Variants in STX4 observed in about 807,000 individuals in gnomAD.
STX4 encodes syntaxin 4, also known as syntaxin-4.
Under a neutral mutation model 41.8 loss-of-function variants are expected in STX4, and 24 were observed. That is an observed-to-expected ratio of 0.57 (90% CI 0.42 to 0.81). STX4 has a LOEUF of 0.81. STX4 is among the 30% of genes least tolerant of loss of function. The pLI is 0.00. For synonymous variants in STX4, 158 were observed against 156.4 expected (o/e 1.01, Z -0.08); for missense variants, 316 against 389.9 (o/e 0.81, Z 1.60).
intron 8 of STX4, 133 bp downstream of exon 8, chr16:31,038,780 T>C: frequency 8.3e-7 from 1 of 1,204,726 alleles, no homozygotes; most frequent in Non-Finnish European, 1.2e-6. Context: ...TGGTGCTTAT[T>C]CCTATCCTTA....
rs1223763809 is a variant in STX4, at chr16:31,039,445, C to T, written c.703-96C>T. 2 of 1,303,202 alleles carry T rather than the reference C, an allele frequency of 1.5e-6. No homozygotes were observed. Among genetic ancestry groups the T allele is most frequent in the East Asian group, 2.3e-5 (1 of 42,872 alleles). The allele number at this position is 1,303,202 out of a possible 1,614,324, so 80.7% of individuals were successfully genotyped here. On this transcript the variant is annotated intron_variant, in intron 8 of 10. Coordinates refer to ENST00000313843, the MANE Select transcript of STX4 (RefSeq NM_004604.5). The surrounding 1 kb of genome is among the most constrained non-coding windows in gnomAD (Gnocchi z 4.1). ...AGTCTTGCCCTTGTCTTTGTTAGTG[C>T]AATTTTTTTTTCCTGCCAGGAATGT...
At position 31,039,007 on chromosome 16, in the gene STX4, G is replaced by T. The variant is rs369457305; in HGVS notation, c.702+360G>T. 7.5e-6 allele frequency: 2 copies of T among 267,032 alleles called. No individual in the cohort carries two copies. The highest frequency in any genetic ancestry group is 1.7e-4 in the East Asian group (2 of 11,578). 16.5% of individuals were successfully genotyped at this position (267,032 alleles called of 1,614,324 possible). A position where few individuals can be genotyped will look rare whatever the true frequency, so the allele number is the denominator to read the frequency against. ...CCTAACATCTGTACAAGGCTGGGGT[G>T]GGGGCGGCGTTCCCCTGGCCCTGGT... On this transcript the variant is annotated intron_variant, in intron 8 of 10. Transcript: ENST00000313843. The surrounding 1 kb of genome is among the most constrained non-coding windows in gnomAD (Gnocchi z 4.1).
In STX4 at chr16:31,038,537, C is replaced by T; in HGVS notation, c.592C>T (p.Gln198Ter). Residue 198 changes from glutamine (Q) to a stop codon, truncating the protein, a stop_gained, in exon 8 of 11, where the codon CAG (glutamine) becomes TAG (stop). Coordinates refer to ENST00000313843, the MANE Select transcript of STX4 (RefSeq NM_004604.5). LOFTEE classifies it high-confidence loss of function. ...CCTGAAGGACACGCAGGTGACTCGA[C>T]AGGCCTTAAATGAGATCTCGGCCCG... The part of the protein sequence containing the change: ...NILKDTQVTR[Q>*]ALNEISARHS... 1.2e-6 allele frequency: 2 copies of T among 1,614,192 alleles called. No individual in the cohort carries two copies. The highest frequency in any genetic ancestry group is 1.7e-6 in the Non-Finnish European group (2 of 1,180,046).
intron 5 of STX4, among the ~76,000 whole-genome samples, chr16:31,036,611 A>G (rs544330054): frequency 6.6e-6 from 1 of 152,266 alleles, no homozygotes; most frequent in Non-Finnish European, 1.5e-5. Flanking sequence ...GGTGTAGACA[A>G]TCACCATAAT....
At chr16:31,038,406 C>G in intron 7 of STX4, 104 bp from the exon 8 acceptor site, 6 of 1,497,182 alleles carry the variant, frequency 4.0e-6, no homozygotes, top group Non-Finnish European at 5.5e-6. Context: ...CCTGGAGTCA[C>G]CCATCAGATT....
intron 5 of STX4, among the ~76,000 whole-genome samples, chr16:31,037,309 C>T (rs1171400048): frequency 5.9e-5 from 9 of 151,402 alleles, no homozygotes; most frequent in Non-Finnish European, 5.9e-5. Context: ...GGTGATCCAC[C>T]TGCCTCAGCC....
Position 31,034,341 on chromosome 16 carries a change from G to A in STX4, c.232+16G>A. 1 of 1,613,910 alleles carries A rather than the reference G, an allele frequency of 6.2e-7. No homozygotes were observed. The highest frequency in any genetic ancestry group is 8.5e-7 in the Non-Finnish European group (1 of 1,179,858). On this transcript the variant is annotated intron_variant, in intron 3 of 10. Coordinates refer to ENST00000313843, the MANE Select transcript of STX4 (RefSeq NM_004604.5). ...CCCGAGGAGAGTGAGTGAAACCCCG[G>A]CTGCAGGGCGCATGCTCCGCCCCAG...
upstream of STX4, chr16:31,033,316 C>G: frequency 1.3e-6 from 1 of 746,828 alleles, no homozygotes; most frequent in South Asian, 1.5e-5. The surrounding 1 kb of genome is among the most constrained non-coding windows in gnomAD (Gnocchi z 5.5). Flanking sequence ...GGTGGGGGCA[C>G]CATGGGGTGA....
At chr16:31,033,343 CTCGGATT>C, upstream of STX4, 1 of 823,802 alleles carries the variant, frequency 1.2e-6, no homozygotes, top group Non-Finnish European at 2.1e-6. The surrounding 1 kb of genome is among the most constrained non-coding windows in gnomAD (Gnocchi z 5.5). Context: ...ATGCGGGTGT[CTCGGATT>C]ACGTACAAAT....
In STX4 at chr16:31,033,901, C is replaced by T; in HGVS notation, c.30+66C>T. ...ACTGGAACGCAGGACTTCTGGTCTT[C>T]GGGATAGGGAGGGGTGGCTGATGGC... On this transcript the variant is annotated intron_variant, in intron 1 of 10. Coordinates refer to ENST00000313843, the MANE Select transcript of STX4 (RefSeq NM_004604.5). The surrounding 1 kb of genome is among the most constrained non-coding windows in gnomAD (Gnocchi z 5.5). The T allele has an allele frequency of 6.9e-7, 1 of 1,453,450 alleles. No homozygotes were observed. The allele number at this position is 1,453,450 out of a possible 1,614,324, so 90.0% of individuals were successfully genotyped here.
chr16:31,037,841 T>C lies in STX4; in HGVS notation c.379-85T>C. On this transcript the variant is annotated intron_variant, in intron 5 of 10. Transcript: ENST00000313843. ...GATCCCGCATAAGAGCTCATGCTAT[T>C]TGCTCACTGTACTATGGGGTTGCCG... 19 of 1,349,552 alleles carry C rather than the reference T, an allele frequency of 1.4e-5. No homozygotes were observed. The South Asian group carries it at 2.3e-4, about 16-fold the overall frequency. The allele number at this position is 1,349,552 out of a possible 1,614,324, so 83.6% of individuals were successfully genotyped here.
chr16:31,039,443 T>G lies in STX4; in HGVS notation c.703-98T>G. 7.9e-7 allele frequency: 1 copy of G among 1,270,162 alleles called. No individual in the cohort carries two copies. The highest frequency in any genetic ancestry group is 1.9e-5 in the Admixed American group (1 of 51,642). 78.7% of individuals were successfully genotyped at this position (1,270,162 alleles called of 1,614,324 possible). On this transcript the variant is annotated intron_variant, in intron 8 of 10. Coordinates refer to ENST00000313843, the MANE Select transcript of STX4 (RefSeq NM_004604.5). The surrounding 1 kb of genome is among the most constrained non-coding windows in gnomAD (Gnocchi z 4.1). ...CAAGTCTTGCCCTTGTCTTTGTTAG[T>G]GCAATTTTTTTTTCCTGCCAGGAAT...
intron 5 of STX4, among the ~76,000 whole-genome samples, chr16:31,036,721 A>C (rs1209361519): frequency 6.6e-6 from 1 of 152,170 alleles, no homozygotes; most frequent in Non-Finnish European, 1.5e-5. Context: ...AGTTGAAAGC[A>C]GGTGGAGGAA....
chr16:31,035,733 T>C (rs1412726878), intron 5 of STX4: 2 of 152,128 alleles, frequency 1.3e-5, no homozygotes, highest in Non-Finnish European at 2.9e-5. Context: ...GGAACTTCCT[T>C]GGGGCAACAC....
chr16:31,039,447 A>ATT lies in STX4; in HGVS notation c.703-86_703-85dup. 1 of 1,310,226 alleles carries ATT rather than the reference A, an allele frequency of 7.6e-7. No individual in the cohort carries two copies. The allele number at this position is 1,310,226 out of a possible 1,614,324, so 81.2% of individuals were successfully genotyped here. ...TCTTGCCCTTGTCTTTGTTAGTGCA[A>ATT]TTTTTTTTTCCTGCCAGGAATGTTC... On this transcript the variant is annotated intron_variant, in intron 8 of 10. Transcript: ENST00000313843. The surrounding 1 kb of genome is among the most constrained non-coding windows in gnomAD (Gnocchi z 4.1).
At chr16:31,034,720 G>C in intron 4 of STX4, 184 bp downstream of exon 4, 1 of 731,234 alleles carries the variant, frequency 1.4e-6, no homozygotes, top group Middle Eastern at 3.9e-4. Flanking sequence ...CGCCTCTCAG[G>C]TTCTTTTATT....
chr16:31,035,112 A>G, intron 5 of STX4, 72 bp downstream of exon 5: 1 of 1,300,750 alleles, frequency 7.7e-7, no homozygotes, highest in Non-Finnish European at 1.1e-6. Flanking sequence ...CAGGTGTATG[A>G]AGGAAGGGCC....
intron 7 of STX4, 139 bp from the exon 8 acceptor site, chr16:31,038,371 G>A (rs2056819112): frequency 2.2e-6 from 3 of 1,343,158 alleles, no homozygotes; most frequent in South Asian, 2.6e-5. Flanking sequence ...GCACCCTGAG[G>A]CCTCTAAGGG....
intron 5 of STX4, chr16:31,035,630 G>C (rs1237721163): frequency 6.6e-6 from 1 of 152,194 alleles, no homozygotes; most frequent in Non-Finnish European, 1.5e-5. Flanking sequence ...CCCAGGGAAG[G>C]AGAGTGAGAA....
Sources: allele counts gnomAD v4.1 joint callset (sites outside exome capture counted in the v4.1 genomes callset), GRCh38; gene constraint gnomAD v4.1.1; non-coding constraint Gnocchi (gnomAD v3.1); transcripts MANE v1.5; gene names NCBI Gene and HGNC (gene_info 2026-07-23, HGNC 2026-07-21).